DAB1: variants seen among roughly 807,000 people sequenced by gnomAD.
DAB1 encodes disabled homolog 1.
A neutral mutation model predicts 64.6 loss-of-function variants in DAB1; 15 were observed. That is an observed-to-expected ratio of 0.23 (90% CI 0.16 to 0.36). The LOEUF is 0.36. Ranked by LOEUF, DAB1 falls within the 10% of genes least tolerant of loss-of-function variation. DAB1 has a pLI of 1.00. For synonymous variants in DAB1, 235 were observed against 251.9 expected (o/e 0.93, Z 0.64); for missense variants, 596 against 706.7 (o/e 0.84, Z 1.78).
chr1:57,913,419 C>T (rs1330735819), intron 5 of DAB1, among the ~76,000 whole-genome samples: 1 of 152,218 alleles, frequency 6.6e-6, no homozygotes, highest in Non-Finnish European at 1.5e-5. Flanking sequence ...GGATCCCTTC[C>T]TTACACCTTT....
chr1:57,555,849 T>C (rs1644982276), intron 7 of DAB1, among the ~76,000 whole-genome samples: 1 of 152,230 alleles, frequency 6.6e-6, no homozygotes, highest in African/African-American at 2.4e-5. Flanking sequence ...AAACATGATA[T>C]GAAATCCATT....
At chr1:58,013,516 G>C (rs1317012657) in intron 5 of DAB1, among the ~76,000 whole-genome samples, 1 of 152,122 alleles carries the variant, frequency 6.6e-6, no homozygotes, top group Non-Finnish European at 1.5e-5. Context: ...CAACAACCTT[G>C]TACACTTGTG....
chr1:58,370,859 C>G (rs1482642200), intron 3 of DAB1, among the ~76,000 whole-genome samples: 1 of 152,164 alleles, frequency 6.6e-6, no homozygotes. Flanking sequence ...CATCATGATT[C>G]TAAGTTTCCT....
intron 1 of DAB1, among the ~76,000 whole-genome samples, chr1:57,405,599 A>G (rs1683569062): frequency 2.0e-5 from 3 of 152,230 alleles, no homozygotes; most frequent in African/African-American, 7.2e-5. Context: ...CGAAAACAAG[A>G]TGTCTAGCTT....
At chr1:58,109,962 T>C (rs1344387796) in intron 5 of DAB1, among the ~76,000 whole-genome samples, 2 of 152,262 alleles carry the variant, frequency 1.3e-5, no homozygotes, top group African/African-American at 2.4e-5. Context: ...GCTCATATGT[T>C]CTTACAGGTT....
intron 3 of DAB1, among the ~76,000 whole-genome samples, chr1:58,499,502 A>ATAGATAGATAGC (rs1645866236): frequency 6.8e-6 from 1 of 146,614 alleles, no homozygotes; most frequent in African/African-American, 2.6e-5. Flanking sequence ...AGATAGATAG[A>ATAGATAGATAGC]TAGATAAATA....
chr1:57,028,760 T>C (rs1056874528), intron 9 of DAB1, among the ~76,000 whole-genome samples: 2 of 152,136 alleles, frequency 1.3e-5, no homozygotes, highest in Admixed American at 6.5e-5. Flanking sequence ...TAGAGACTTG[T>C]GGAACTTTGA....
chr1:58,352,197 T>C (rs1449878586), intron 3 of DAB1, among the ~76,000 whole-genome samples: 1 of 152,018 alleles, frequency 6.6e-6, no homozygotes, highest in Non-Finnish European at 1.5e-5. Flanking sequence ...TCTCCAGAAA[T>C]CCCTATTTTT....
rs147438817 is a variant in DAB1 at position 57,110,452 on chromosome 1, T to C, written c.306+26091A>G. Among the ~76,000 whole-genome samples, 11 of 152,334 alleles carry C rather than the reference T, an allele frequency of 7.2e-5. No homozygotes were observed. In the East Asian group the frequency reaches 2.1e-3, roughly 29 times the overall value. The stretch of plus-strand genomic sequence containing the variant: ...ATCTGTTGGCCTCAGTTTCCTTTTG[T>C]TTACATTAAGAAGGTAAATTCATTC... On this transcript the variant is annotated intron_variant, in intron 4 of 14. Coordinates refer to ENST00000371236, the MANE Select transcript of DAB1 (RefSeq NM_001365792.1).
intron 3 of DAB1, among the ~76,000 whole-genome samples, chr1:58,406,392 T>C (rs895329061): frequency 3.3e-5 from 5 of 152,212 alleles, no homozygotes; most frequent in African/African-American, 1.2e-4. Flanking sequence ...CTCCCTCAAT[T>C]TGTAACAGGG....
intron 1 of DAB1, among the ~76,000 whole-genome samples, chr1:57,842,059 T>G (rs1653077133): frequency 6.6e-6 from 1 of 152,210 alleles, no homozygotes; most frequent in Non-Finnish European, 1.5e-5. Context: ...TGTGTGCTGT[T>G]AAGAGCACCT....
intron 2 of DAB1, among the ~76,000 whole-genome samples, chr1:57,212,896 C>T (rs1370221861): frequency 6.6e-6 from 1 of 152,174 alleles, no homozygotes; most frequent in South Asian, 2.1e-4. Context: ...TGCCATCCTG[C>T]GCTGAGCTGT....
chr1:57,284,752 G>A (rs912293842), intron 2 of DAB1, among the ~76,000 whole-genome samples: 60 of 152,382 alleles, frequency 3.9e-4, no homozygotes, highest in African/African-American at 1.4e-3. Flanking sequence ...GCTCCTATGA[G>A]GTAAGCCAAT....
At chr1:57,334,537 C>T (rs187502964) in intron 1 of DAB1, among the ~76,000 whole-genome samples, 54 of 152,276 alleles carry the variant, frequency 3.5e-4, no homozygotes, top group Middle Eastern at 3.4e-3. Flanking sequence ...TTGTACCTTA[C>T]GACATGTTAG....
chr1:57,749,234 C>T (rs1481878363), intron 6 of DAB1, among the ~76,000 whole-genome samples: 1 of 152,180 alleles, frequency 6.6e-6, no homozygotes, highest in East Asian at 1.9e-4. Flanking sequence ...GTCTTATCCA[C>T]TACCCGACAG....
intron 5 of DAB1, among the ~76,000 whole-genome samples, chr1:58,145,090 CTAAA>C (rs1251611925): frequency 6.6e-6 from 1 of 152,206 alleles, no homozygotes; most frequent in African/African-American, 2.4e-5. Context: ...TTTGTACTTG[CTAAA>C]TATTCAGAAA....
intron 6 of DAB1, among the ~76,000 whole-genome samples, chr1:57,819,553 G>A (rs116144008): frequency 6.6e-6 from 1 of 152,296 alleles, no homozygotes; most frequent in African/African-American, 2.4e-5. Flanking sequence ...GAAACAGGAA[G>A]AATCAAGAAC....
At chr1:58,233,666 G>A (rs1483015302) in intron 4 of DAB1, among the ~76,000 whole-genome samples, 1 of 152,162 alleles carries the variant, frequency 6.6e-6, no homozygotes, top group Non-Finnish European at 1.5e-5. Context: ...AGGTCACCTG[G>A]CTAGCAAGGC....
chr1:58,309,603 A>G (rs927360332), intron 4 of DAB1, among the ~76,000 whole-genome samples: 1 of 152,208 alleles, frequency 6.6e-6, no homozygotes, highest in Non-Finnish European at 1.5e-5. Context: ...TCTGCCAACT[A>G]CAAGTCCACT....
Sources: allele counts gnomAD v4.1 joint callset (sites outside exome capture counted in the v4.1 genomes callset), GRCh38; gene constraint gnomAD v4.1.1; transcripts MANE v1.5; gene names NCBI Gene and HGNC (gene_info 2026-07-23, HGNC 2026-07-21).